The following DEPDC5 variants were observed in gnomAD, a reference collection of about 807,000 sequenced individuals.
DEPDC5 encodes the protein GATOR1 complex protein DEPDC5.
In DEPDC5, 73 loss-of-function variants were observed where a neutral mutation model predicts 217.3. The observed-to-expected ratio is 0.34, with a 90% CI of 0.28 to 0.41. The LOEUF (loss-of-function observed/expected upper bound fraction) is 0.41, where lower values mean the gene tolerates loss of function less well. DEPDC5 is among the 10% of genes least tolerant of loss of function. DEPDC5 has a pLI of 1.00. For missense variants in DEPDC5, 1,675 were observed against 2,070.1 expected, an observed-to-expected ratio of 0.81 and a Z score of 3.70; for synonymous variants, 733 against 756.7, an observed-to-expected ratio of 0.97 and a Z score of 0.51.
chr22:31,783,060 C>T (rs2084611925), intron 8 of DEPDC5, among the ~76,000 whole-genome samples: 1 of 152,110 alleles, frequency 6.6e-6, no homozygotes, highest in Non-Finnish European at 1.5e-5. Context: ...TTCTGTCTAG[C>T]TAGAGGATTG....
intron 27 of DEPDC5, 71 bp from the exon 28 acceptor site, chr22:31,843,024 G>A: frequency 1.8e-6 from 2 of 1,138,274 alleles, no homozygotes; most frequent in South Asian, 1.4e-5. Flanking sequence ...GAATCTATAT[G>A]GATGAGAAAC....
rs148289088 is a variant in DEPDC5 at position 31,903,888 on chromosome 22, T to C, written c.4436+2086T>C. On this transcript the variant is annotated intron_variant, in intron 41 of 42. Transcript: ENST00000651528. Reference sequence around the variant, plus strand: ...CCCTTGGAGGGCAGGGGTATGCTTTTTCCTATTTGTGTTTCCTTCTATAAT... The same window carrying C: ...CCCTTGGAGGGCAGGGGTATGCTTTCTCCTATTTGTGTTTCCTTCTATAAT... 5.1e-3 allele frequency among the ~76,000 whole-genome samples: 775 copies of C among 151,826 alleles called. 6 individuals are homozygous for C. Among genetic ancestry groups the C allele is most frequent in the African/African-American group, 0.018 (729 of 41,358 alleles).
intron 31 of DEPDC5, chr22:31,852,981 AG>A (rs1279947582): frequency 1.3e-5 from 2 of 152,410 alleles, no homozygotes; most frequent in African/African-American, 4.8e-5. Flanking sequence ...AGAACACGGC[AG>A]GGTGCCTACG....
chr22:31,866,043 A>T lies in DEPDC5; in HGVS notation c.3331-4547A>T, dbSNP rs571050279. Reference sequence around the variant, plus strand: ...AGATCCAGCTGTTTCCTTGTAGCTGATGACCCACCAGCATGAGAAAGTGGG... The same window carrying T: ...AGATCCAGCTGTTTCCTTGTAGCTGTTGACCCACCAGCATGAGAAAGTGGG... On this transcript the variant is annotated intron_variant, in intron 33 of 42. Coordinates refer to ENST00000651528, the MANE Select transcript of DEPDC5 (RefSeq NM_001242896.3). Among the ~76,000 whole-genome samples the T allele has an allele frequency of 2.0e-5, 3 of 152,248 alleles. No homozygotes were observed. The East Asian group carries it at 5.8e-4, about 29-fold the overall frequency.
intron 38 of DEPDC5, among the ~76,000 whole-genome samples, chr22:31,882,988 GATCATACA>G (rs1445287603): frequency 3.3e-5 from 5 of 152,232 alleles, no homozygotes; most frequent in African/African-American, 1.2e-4. Context: ...TTCTCCAGTA[GATCATACA>G]AAACCCAAGA....
At chr22:31,863,796 G>A (rs111454566) in intron 33 of DEPDC5, among the ~76,000 whole-genome samples, 78 of 152,046 alleles carry the variant, frequency 5.1e-4, no homozygotes, top group African/African-American at 1.4e-3. Context: ...CGTGGCGTGC[G>A]CCTGTAGTCC....
At chr22:31,845,333 T>C in intron 30 of DEPDC5, 96 bp downstream of exon 30, 1 of 1,440,446 alleles carries the variant, frequency 6.9e-7, no homozygotes, top group Non-Finnish European at 9.5e-7. Context: ...CCTACTTATT[T>C]ACTCCTCAGC....
intron 39 of DEPDC5, 149 bp downstream of exon 39, chr22:31,893,900 T>C (rs2093493196): frequency 4.3e-6 from 4 of 935,738 alleles, no homozygotes; most frequent in South Asian, 2.5e-5. Context: ...TTTAAAAAAT[T>C]TAAACATAGT....
chr22:31,904,080 A>C (rs572326702), intron 41 of DEPDC5, among the ~76,000 whole-genome samples: 1 of 151,414 alleles, frequency 6.6e-6, no homozygotes, highest in Admixed American at 6.6e-5. Context: ...TGTGACCTAC[A>C]GCTCCTCCTT....
At chr22:31,839,162 A>G (rs1307493751) in intron 27 of DEPDC5, among the ~76,000 whole-genome samples, 1 of 152,210 alleles carries the variant, frequency 6.6e-6, no homozygotes, top group Non-Finnish European at 1.5e-5. Context: ...TTCTAAACCT[A>G]TATTTAATTG....
chr22:31,758,069 G>A (rs1399390570), intron 2 of DEPDC5, among the ~76,000 whole-genome samples: 1 of 152,084 alleles, frequency 6.6e-6, no homozygotes, highest in Non-Finnish European at 1.5e-5. Flanking sequence ...TGGACTCTCT[G>A]AGGTTATTTT....
intron 8 of DEPDC5, among the ~76,000 whole-genome samples, chr22:31,782,379 C>T (rs1026109686): frequency 6.6e-6 from 1 of 152,068 alleles, no homozygotes; most frequent in Non-Finnish European, 1.5e-5. Flanking sequence ...TCAGGTGATC[C>T]ACCTGCCTCA....
intron 35 of DEPDC5, chr22:31,873,983 G>A: frequency 3.3e-6 from 1 of 304,086 alleles, no homozygotes; most frequent in Non-Finnish European, 6.2e-6. Flanking sequence ...AGTAGAGACG[G>A]GGTTTCGCCA....
chr22:31,854,916 A>T (rs1450361408), intron 31 of DEPDC5, among the ~76,000 whole-genome samples: 2 of 151,670 alleles, frequency 1.3e-5, no homozygotes, highest in African/African-American at 2.4e-5. Context: ...GACTTAAGAG[A>T]TATAATGTAT....
chr22:31,893,276 T>C (rs753978591), intron 38 of DEPDC5, among the ~76,000 whole-genome samples: 6 of 152,202 alleles, frequency 3.9e-5, no homozygotes, highest in Non-Finnish European at 7.3e-5. Flanking sequence ...TCTGCTTTTA[T>C]AAAGTTTTAT....
chr22:31,816,164 G>A (rs2089084544), intron 21 of DEPDC5, among the ~76,000 whole-genome samples: 1 of 151,666 alleles, frequency 6.6e-6, no homozygotes, highest in Admixed American at 6.6e-5. Flanking sequence ...GCTAGGTGTG[G>A]TGGCGGGTGC....
chr22:31,805,523 C>T (rs1261014884), intron 17 of DEPDC5, among the ~76,000 whole-genome samples: 9 of 150,192 alleles, frequency 6.0e-5, no homozygotes, highest in Non-Finnish European at 1.2e-4. Flanking sequence ...TTTTTTAAGA[C>T]GGAGTTTCAC....
In DEPDC5 at chr22:31,754,986, A is replaced by G. The variant is rs775905064; in HGVS notation, c.58+7A>G. The stretch of plus-strand genomic sequence containing the variant: ...AAGGGCTTTGGGGGCAGTGGTCAGT[A>G]TCGATTGGTCTTTAGAGGTTTTGTA... On this transcript the variant is annotated splice_region_variant and intron_variant, in intron 2 of 42. Coordinates refer to ENST00000651528, the MANE Select transcript of DEPDC5 (RefSeq NM_001242896.3). 1.2e-6 allele frequency: 2 copies of G among 1,614,178 alleles called. No homozygotes were observed. Among genetic ancestry groups the G allele is most frequent in the Non-Finnish European group, 1.7e-6 (2 of 1,180,026 alleles).
chr22:31,798,606 C>T lies in DEPDC5; in HGVS notation c.896C>T (p.Ser299Phe). ...QAEGFPQGDN[S>F]TSAQGNYLEA... Reference sequence around the variant, plus strand: ...GAGGGCTTTCCTCAAGGAGATAATTCTACCTCAGCACAAGGAAACTACCTG... The same window carrying T: ...GAGGGCTTTCCTCAAGGAGATAATTTTACCTCAGCACAAGGAAACTACCTG... The change falls in exon 14 of 43, where the codon TCT becomes TTT. Residue 299 changes from serine (S) to phenylalanine (F), a missense_variant. By Grantham distance (155) the Ser-to-Phe change is radical. Transcript: ENST00000651528. 6.2e-7 allele frequency: 1 copy of T among 1,611,200 alleles called. No individual in the cohort carries two copies. Among genetic ancestry groups the T allele is most frequent in the Non-Finnish European group, 8.5e-7 (1 of 1,178,136 alleles).
Sources: allele counts gnomAD v4.1 joint callset (sites outside exome capture counted in the v4.1 genomes callset), GRCh38; gene constraint gnomAD v4.1.1; transcripts MANE v1.5; gene names NCBI Gene and HGNC (gene_info 2026-07-23, HGNC 2026-07-21).